The following DSCAM variants were observed in gnomAD, a reference collection of about 807,000 sequenced individuals.
DSCAM encodes the protein DS cell adhesion molecule.
In DSCAM, 47 loss-of-function variants were observed where a neutral mutation model predicts 217.7. The ratio of observed to expected loss-of-function variants is 0.22; its 90% CI spans 0.17 to 0.28. The LOEUF is 0.28. DSCAM is among the 10% of genes least tolerant of loss of function. The pLI, the probability that DSCAM is intolerant of heterozygous loss-of-function variation, is 1.00. For synonymous variants in DSCAM, 1,056 were observed against 1,015.3 expected, an observed-to-expected ratio of 1.04 and a Z score of -0.76; for missense variants, 2,080 against 2,618.3, an observed-to-expected ratio of 0.79 and a Z score of 4.49.
At chr21:40,272,818 A>T (rs1261103637) in intron 11 of DSCAM, among the ~76,000 whole-genome samples, 1 of 152,134 alleles carries the variant, frequency 6.6e-6, no homozygotes, top group Non-Finnish European at 1.5e-5. Context: ...CAGAAAGGGG[A>T]GAGTACTTAA....
intron 11 of DSCAM, among the ~76,000 whole-genome samples, chr21:40,265,099 A>G (rs1301336731): frequency 6.6e-6 from 1 of 152,042 alleles, no homozygotes; most frequent in Non-Finnish European, 1.5e-5. Context: ...AAGCTGAGGC[A>G]GGAGAACCGC....
chr21:40,825,438 T>C (rs200766572), intron 1 of DSCAM, among the ~76,000 whole-genome samples: 1 of 152,104 alleles, frequency 6.6e-6, no homozygotes, highest in Admixed American at 6.6e-5. Flanking sequence ...CTGCCTCAGC[T>C]TCCCGAGTAG....
intron 3 of DSCAM, among the ~76,000 whole-genome samples, chr21:40,616,934 G>A (rs1427154658): frequency 6.8e-6 from 1 of 146,576 alleles, no homozygotes; most frequent in Non-Finnish European, 1.5e-5. Flanking sequence ...GGAGAGTGGC[G>A]TGAACCCGGG....
At chr21:40,727,684 C>T (rs2090970607) in intron 1 of DSCAM, among the ~76,000 whole-genome samples, 1 of 152,158 alleles carries the variant, frequency 6.6e-6, no homozygotes, top group Non-Finnish European at 1.5e-5. Flanking sequence ...TGCTTCTACC[C>T]TGGTCCCCTA....
intron 3 of DSCAM, among the ~76,000 whole-genome samples, chr21:40,508,758 TATATATATATATATATATATATA>T (rs1568862940): frequency 0.043 from 634 of 14,706 alleles, 18 homozygotes; most frequent in African/African-American, 0.05. Flanking sequence ...TATATATATA[TATATATATATATATATATATATA>T]TATTTTTTTT....
intron 3 of DSCAM, among the ~76,000 whole-genome samples, chr21:40,539,109 G>A (rs1008733675): frequency 6.6e-6 from 1 of 152,136 alleles, no homozygotes; most frequent in Non-Finnish European, 1.5e-5. Context: ...AGCTTTAGGG[G>A]TCTCCATGGG....
chr21:40,532,752 A>G (rs79499071), intron 3 of DSCAM, among the ~76,000 whole-genome samples: 3,369 of 152,064 alleles, frequency 0.022, 122 homozygotes, highest in African/African-American at 0.076. Flanking sequence ...AACCTGGGGG[A>G]GAGAGAGCAT....
At chr21:40,562,683 A>T (rs1753866456) in intron 3 of DSCAM, among the ~76,000 whole-genome samples, 1 of 152,232 alleles carries the variant, frequency 6.6e-6, no homozygotes, top group South Asian at 2.1e-4. Context: ...ACACAAAATT[A>T]TACAGACCTT....
Position 40,049,441 on chromosome 21 carries a change from G to A in DSCAM, c.5185+2517C>T, listed in dbSNP as rs1025815583. ...CACTGGAAGTCCTCCTGAATGACTT[G>A]GACCCAAGAGAGCCCCTCCCACTGC... On this transcript the variant is annotated intron_variant, in intron 30 of 32. Coordinates refer to ENST00000400454, the MANE Select transcript of DSCAM (RefSeq NM_001389.5). 2.0e-5 allele frequency among the ~76,000 whole-genome samples: 3 copies of A among 152,214 alleles called. No homozygotes were observed. The South Asian group carries it at 6.2e-4, about 32-fold the overall frequency.
intron 20 of DSCAM, among the ~76,000 whole-genome samples, chr21:40,116,974 C>T (rs1428768088): frequency 1.6e-5 from 2 of 128,514 alleles, no homozygotes; most frequent in Non-Finnish European, 3.1e-5. Flanking sequence ...TGCACTCCAG[C>T]CTGGGTGACA....
intron 5 of DSCAM, among the ~76,000 whole-genome samples, chr21:40,351,181 G>A (rs1274734384): frequency 6.6e-6 from 1 of 152,140 alleles, no homozygotes; most frequent in African/African-American, 2.4e-5. Flanking sequence ...ACAGGACAGA[G>A]GTTGAGAACA....
chr21:40,697,894 C>T (rs544392305), intron 2 of DSCAM, among the ~76,000 whole-genome samples: 94 of 152,092 alleles, frequency 6.2e-4, no homozygotes, highest in Non-Finnish European at 1.1e-3. Flanking sequence ...GTAGGGATGG[C>T]CTTGAATCTG....
At chr21:40,573,812 G>A (rs932455003) in intron 3 of DSCAM, among the ~76,000 whole-genome samples, 22 of 152,060 alleles carry the variant, frequency 1.4e-4, no homozygotes, top group Non-Finnish European at 5.9e-5. Context: ...CATCTCTCCA[G>A]GTTCTACAGA....
At chr21:40,170,576 G>A (rs1057241246) in intron 15 of DSCAM, among the ~76,000 whole-genome samples, 13 of 152,158 alleles carry the variant, frequency 8.5e-5, no homozygotes, top group Non-Finnish European at 1.6e-4. Flanking sequence ...TTATTGTTGA[G>A]CCTCTGCACC....
chr21:40,483,273 A>G (rs2075997569), intron 3 of DSCAM, among the ~76,000 whole-genome samples: 1 of 152,334 alleles, frequency 6.6e-6, no homozygotes, highest in East Asian at 1.9e-4. Flanking sequence ...CCATTGTGAG[A>G]TTTTACTTTC....
chr21:40,500,236 T>G lies in DSCAM; in HGVS notation c.509-130991A>C, dbSNP rs183568026. ...TATGAAATAGTTTCTAAATATTTTG[T>G]TTTTTAAGTTTTCTGAAGAAAGCCC... On this transcript the variant is annotated intron_variant, in intron 3 of 32. Coordinates refer to ENST00000400454, the MANE Select transcript of DSCAM (RefSeq NM_001389.5). 4.8e-3 allele frequency among the ~76,000 whole-genome samples: 728 copies of G among 152,306 alleles called. 4 individuals carry two copies. The highest frequency in any genetic ancestry group is 0.017 in the African/African-American group (694 of 41,558).
In DSCAM at chr21:40,490,903, G is replaced by T. The variant is rs547728666; in HGVS notation, c.509-121658C>A. 2.2e-4 allele frequency among the ~76,000 whole-genome samples: 33 copies of T among 152,172 alleles called. No individual in the cohort carries two copies. The South Asian group carries it at 6.9e-3, about 32-fold the overall frequency. ...CTTTCTCTAAAATTGCCAAACTTTG[G>T]CAAAATAATTAATTAAAACAGATTT... On this transcript the variant is annotated intron_variant, in intron 3 of 32. Coordinates refer to ENST00000400454, the MANE Select transcript of DSCAM (RefSeq NM_001389.5).
At chr21:40,040,677 G>C (rs2088730354) in intron 32 of DSCAM, among the ~76,000 whole-genome samples, 2 of 152,192 alleles carry the variant, frequency 1.3e-5, no homozygotes, top group South Asian at 4.1e-4. Flanking sequence ...ACATGGCTGA[G>C]TGCCTCCTCT....
chr21:40,195,792 A>C (rs981463226), intron 11 of DSCAM, among the ~76,000 whole-genome samples: 2 of 152,204 alleles, frequency 1.3e-5, no homozygotes, highest in Non-Finnish European at 2.9e-5. Flanking sequence ...GCTCTGGGAC[A>C]TAAACACATT....
Sources: allele counts gnomAD v4.1 joint callset (sites outside exome capture counted in the v4.1 genomes callset), GRCh38; gene constraint gnomAD v4.1.1; transcripts MANE v1.5; gene names NCBI Gene and HGNC (gene_info 2026-07-23, HGNC 2026-07-21).